Variants in UTRN observed in about 807,000 individuals in gnomAD.
UTRN encodes utrophin.
In UTRN, 283 loss-of-function variants were observed where a neutral mutation model predicts 463.9. The ratio of observed to expected loss-of-function variants is 0.61; its 90% CI spans 0.55 to 0.67. The LOEUF is 0.67. Among genes scored for constraint, UTRN ranks in the 30% least tolerant of loss-of-function variants. The pLI is 0.00. For synonymous variants in UTRN, 1,442 were observed against 1,431.5 expected (o/e 1.01, Z -0.17); for missense variants, 3,922 against 4,084.3 (o/e 0.96, Z 1.08).
At chr6:144,762,419 G>T (rs1271772530) in intron 58 of UTRN, among the ~76,000 whole-genome samples, 1 of 152,190 alleles carries the variant, frequency 6.6e-6, no homozygotes, top group Non-Finnish European at 1.5e-5. Flanking sequence ...ACCATAGACG[G>T]TTACCATTTA....
chr6:144,622,184 GTTTTTTTTTT>G (rs1199579909), intron 51 of UTRN, among the ~76,000 whole-genome samples: 9 of 88,212 alleles, frequency 1.0e-4, no homozygotes, highest in African/African-American at 1.7e-4. Context: ...TTTTTTTGTT[GTTTTTTTTTT>G]TTTTTTTTTT....
chr6:144,296,461 T>G (rs1054039325), intron 2 of UTRN, among the ~76,000 whole-genome samples: 1 of 152,166 alleles, frequency 6.6e-6, no homozygotes, highest in Admixed American at 6.5e-5. Context: ...CTGCTGCACT[T>G]TAATTAACTC....
At chr6:144,326,767 AC>A (rs1210881386) in intron 2 of UTRN, among the ~76,000 whole-genome samples, 1 of 152,120 alleles carries the variant, frequency 6.6e-6, no homozygotes, top group Non-Finnish European at 1.5e-5. Context: ...GGTAACACGG[AC>A]CCTCACAGAA....
At chr6:144,395,071 A>G (rs1255849534) in intron 2 of UTRN, among the ~76,000 whole-genome samples, 4 of 152,150 alleles carry the variant, frequency 2.6e-5, no homozygotes, top group African/African-American at 7.2e-5. Context: ...GTAGAACATA[A>G]TAGATGTTTA....
chr6:144,691,361 C>T (rs1053804958), intron 52 of UTRN, among the ~76,000 whole-genome samples: 1 of 152,234 alleles, frequency 6.6e-6, no homozygotes, highest in African/African-American at 2.4e-5. Context: ...AAGTGATCCA[C>T]CCTCCTCGGC....
intron 51 of UTRN, among the ~76,000 whole-genome samples, chr6:144,658,910 C>G (rs1345531071): frequency 1.3e-5 from 2 of 152,254 alleles, no homozygotes; most frequent in African/African-American, 2.4e-5. Flanking sequence ...AAGACACATT[C>G]AATGTAGTTA....
intron 51 of UTRN, among the ~76,000 whole-genome samples, chr6:144,645,354 G>A (rs934890827): frequency 6.6e-6 from 1 of 152,090 alleles, no homozygotes; most frequent in South Asian, 2.1e-4. Flanking sequence ...ATAGTCCTTA[G>A]ATACTGTTTT....
In UTRN at chr6:144,490,051, C is replaced by A; in HGVS notation, c.4135-20C>A. ...GTAAAAAAAAAAGGACATCCTCTCC[C>A]CTTTCCAATCTCTTTTTAGAAAATC... On this transcript the variant is annotated intron_variant, in intron 30 of 74. Transcript: ENST00000367545. 1 of 1,603,134 alleles carries A rather than the reference C, an allele frequency of 6.2e-7. No individual in the cohort carries two copies. The highest frequency in any genetic ancestry group is 1.1e-5 in the South Asian group (1 of 88,022).
At position 144,852,721 on chromosome 6, in the gene UTRN, T is replaced by C. The variant is rs1015610070; in HGVS notation, c.*1724T>C. 6.6e-6 allele frequency: 1 copy of C among 152,574 alleles called. No homozygotes were observed. The highest frequency in any genetic ancestry group is 1.5e-5 in the Non-Finnish European group (1 of 68,012). 9.5% of individuals were successfully genotyped at this position (152,574 alleles called of 1,614,324 possible). A position where few individuals can be genotyped will look rare whatever the true frequency, so the allele number is the denominator to read the frequency against. On this transcript the variant is annotated 3_prime_UTR_variant, in exon 75 of 75. Transcript: ENST00000367545. ...AAGCACCTATTTAAAGAAAAAACAA[T>C]TCCCTGAGCTCTCAACTCCAAGTTG...
chr6:144,635,395 C>T (rs1777013203), intron 51 of UTRN, among the ~76,000 whole-genome samples: 3 of 151,946 alleles, frequency 2.0e-5, no homozygotes, highest in Admixed American at 2.0e-4. Flanking sequence ...CAGTGATTTG[C>T]CCACCTTGGC....
intron 28 of UTRN, among the ~76,000 whole-genome samples, chr6:144,486,226 A>G (rs1172691617): frequency 6.6e-6 from 1 of 152,214 alleles, no homozygotes; most frequent in Non-Finnish European, 1.5e-5. Context: ...AAATGAGTAA[A>G]ATGTGGCACT....
intron 51 of UTRN, among the ~76,000 whole-genome samples, chr6:144,584,959 T>C (rs1802320376): frequency 6.6e-6 from 1 of 152,142 alleles, no homozygotes; most frequent in South Asian, 2.1e-4. Flanking sequence ...ATTTAATTTT[T>C]TTAACTACCA....
intron 51 of UTRN, among the ~76,000 whole-genome samples, chr6:144,617,552 G>T (rs533366989): frequency 1.3e-5 from 2 of 152,136 alleles, no homozygotes. Flanking sequence ...ATTTATGTTT[G>T]CTTTGAACAT....
In UTRN at chr6:144,751,874, G is replaced by C. The variant is rs1461699020; in HGVS notation, c.8277G>C (p.Leu2759=). The C allele has an allele frequency of 6.2e-7, 1 of 1,612,242 alleles. No homozygotes were observed. The highest frequency in any genetic ancestry group is 8.5e-7 in the Non-Finnish European group (1 of 1,179,164). The change falls in exon 56 of 75, where the codon CTG becomes CTC. Residue 2759 remains leucine, a synonymous_variant. Coordinates refer to ENST00000367545, the MANE Select transcript of UTRN (RefSeq NM_007124.3). ...CGGTGAATGATTTATCCAGTCAGCT[G>C]TCTCCACTTGACCTGCATCCCTCTC... ...VKTVNDLSSQ[L]SPLDLHPSLK...
chr6:144,422,030 C>A, intron 4 of UTRN, 60 bp downstream of exon 4: 1 of 1,382,596 alleles, frequency 7.2e-7, no homozygotes, highest in East Asian at 2.4e-5. Flanking sequence ...CTTGATGACC[C>A]AGTGTGGGTA....
At chr6:144,716,954 A>G (rs1245293005) in intron 53 of UTRN, among the ~76,000 whole-genome samples, 9 of 152,224 alleles carry the variant, frequency 5.9e-5, no homozygotes, top group Non-Finnish European at 1.2e-4. Flanking sequence ...ATAATGTTAT[A>G]ATGAACACTT....
At position 144,488,736 on chromosome 6, in the gene UTRN, C is replaced by A; in HGVS notation, c.4036C>A (p.Leu1346Ile). 6.2e-7 allele frequency: 1 copy of A among 1,613,710 alleles called. No homozygotes were observed. The highest frequency in any genetic ancestry group is 8.5e-7 in the Non-Finnish European group (1 of 1,179,752). ...LQVLRETDQM[L>I]QVLQESLGEL... ...GGTGCTGCGGGAAACTGACCAGATG[C>A]TTCAAGTCTTGCAAGAGAGCTTGGG... Residue 1346 changes from leucine (L) to isoleucine (I), a missense_variant, in exon 30 of 75, where the codon CTT (leucine) becomes ATT (isoleucine). Leu to Ile is a conservative substitution (Grantham distance 5, BLOSUM62 2). Coordinates refer to ENST00000367545, the MANE Select transcript of UTRN (RefSeq NM_007124.3).
intron 51 of UTRN, among the ~76,000 whole-genome samples, chr6:144,665,150 G>A (rs1271799696): frequency 6.6e-6 from 1 of 152,162 alleles, no homozygotes; most frequent in Admixed American, 6.5e-5. Flanking sequence ...ATAAGGTTAA[G>A]TAAATAGTTG....
intron 45 of UTRN, among the ~76,000 whole-genome samples, chr6:144,542,369 C>G (rs567223579): frequency 2.0e-5 from 3 of 152,210 alleles, no homozygotes; most frequent in African/African-American, 7.2e-5. Flanking sequence ...GAAACCAGGA[C>G]TCAGGGAGAG....
Sources: allele counts gnomAD v4.1 joint callset (sites outside exome capture counted in the v4.1 genomes callset), GRCh38; gene constraint gnomAD v4.1.1; transcripts MANE v1.5; gene names NCBI Gene and HGNC (gene_info 2026-07-23, HGNC 2026-07-21).